Variants in ALK observed in about 807,000 individuals in gnomAD.
ALK encodes the protein ALK receptor tyrosine kinase, also known as ALK tyrosine kinase receptor.
ALK carries 74 observed loss-of-function variants against 163.1 expected under a neutral mutation model. The observed-to-expected ratio is 0.45, with a 90% CI of 0.38 to 0.55. The LOEUF is 0.55. ALK is among the 20% of genes least tolerant of loss of function. The pLI is 0.00. For synonymous variants in ALK, 960 were observed against 843.2 expected (o/e 1.14, Z -2.40); for missense variants, 2,063 against 2,105.3 (o/e 0.98, Z 0.39).
chr2:29,868,233 G>A (rs1241944950), intron 1 of ALK, among the ~76,000 whole-genome samples: 1 of 152,214 alleles, frequency 6.6e-6, no homozygotes, highest in Admixed American at 6.5e-5. Context: ...AGGTGGCCAA[G>A]AGAAGGAGTG....
At chr2:29,220,965 G>T in intron 22 of ALK, 130 bp from the exon 23 acceptor site, 1 of 1,310,322 alleles carries the variant, frequency 7.6e-7, no homozygotes, top group Non-Finnish European at 1.1e-6. Context: ...GTAAACATGG[G>T]CAGCAGGGGT....
intron 4 of ALK, among the ~76,000 whole-genome samples, chr2:29,399,548 T>G (rs1669392746): frequency 6.6e-6 from 1 of 152,242 alleles, no homozygotes; most frequent in Non-Finnish European, 1.5e-5. Flanking sequence ...AGCTAGTGTG[T>G]GCCTGAGCTT....
intron 9 of ALK, among the ~76,000 whole-genome samples, chr2:29,275,774 G>C (rs1002185271): frequency 6.6e-6 from 1 of 152,166 alleles, no homozygotes; most frequent in African/African-American, 2.4e-5. Flanking sequence ...AGGACTCCCT[G>C]ATAATCTGAG....
intron 1 of ALK, among the ~76,000 whole-genome samples, chr2:29,863,869 A>C (rs1666358228): frequency 6.6e-6 from 1 of 152,142 alleles, no homozygotes; most frequent in South Asian, 2.1e-4. Context: ...ACTCTTTCAT[A>C]AGTCAGACCT....
chr2:29,805,173 C>A (rs1422627724), intron 1 of ALK, among the ~76,000 whole-genome samples: 1 of 152,198 alleles, frequency 6.6e-6, no homozygotes, highest in African/African-American at 2.4e-5. Flanking sequence ...GCCCACCTCG[C>A]CAACCCCACA....
chr2:29,785,185 A>G (rs1393391961), intron 1 of ALK, among the ~76,000 whole-genome samples: 3 of 152,146 alleles, frequency 2.0e-5, no homozygotes, highest in African/African-American at 7.2e-5. Flanking sequence ...CACTGCTGAT[A>G]TCCTGGTGCA....
chr2:29,438,006 G>A (rs186883017), intron 4 of ALK, among the ~76,000 whole-genome samples: 1 of 151,956 alleles, frequency 6.6e-6, no homozygotes, highest in Non-Finnish European at 1.5e-5. Flanking sequence ...TCCAGATTAG[G>A]AATTTGCTGC....
At chr2:29,208,169 C>G (rs942086491) in intron 25 of ALK, 1 of 399,252 alleles carries the variant, frequency 2.5e-6, no homozygotes, top group African/African-American at 2.0e-5. Flanking sequence ...GTGCAAGGCT[C>G]AGTGACACAA....
At chr2:29,462,089 A>C (rs1373311106) in intron 4 of ALK, among the ~76,000 whole-genome samples, 1 of 152,152 alleles carries the variant, frequency 6.6e-6, no homozygotes, top group Non-Finnish European at 1.5e-5. Flanking sequence ...GAGACTCCAA[A>C]GATGTGTCTG....
Position 29,214,033 on chromosome 2 carries a change from C to T in ALK, c.3694G>A (p.Asp1232Asn). Residue 1232 changes from aspartate to asparagine, a missense_variant, in exon 24 of 29, where the codon GAC becomes AAC. Transcript: ENST00000389048. ...AMLDLLHVAR[D>N]IACGCQYLEE... Reference sequence around the variant, plus strand: ...AAATACTGACAGCCACAGGCAATGTCCCGAGCCACGTGCAGAAGGTCCAGC... The same window carrying T: ...AAATACTGACAGCCACAGGCAATGTTCCGAGCCACGTGCAGAAGGTCCAGC... 3 of 1,614,066 alleles carry T rather than the reference C, an allele frequency of 1.9e-6. No individual in the cohort carries two copies. Among genetic ancestry groups the T allele is most frequent in the Admixed American group, 1.7e-5 (1 of 60,026 alleles).
chr2:29,585,167 C>T lies in ALK; in HGVS notation c.953-53051G>A, dbSNP rs927787205. Among the ~76,000 whole-genome samples the T allele has an allele frequency of 2.6e-5, 4 of 151,932 alleles. No homozygotes were observed. The South Asian group carries it at 8.3e-4, about 32-fold the overall frequency. On this transcript the variant is annotated intron_variant, in intron 3 of 28. Transcript: ENST00000389048. ...GCTCAATTATTGATAGTTTTAAACC[C>T]TATATTCTTTTTTAGAATAAGGCAA...
At chr2:29,684,395 C>T (rs1678176160) in intron 3 of ALK, among the ~76,000 whole-genome samples, 2 of 152,330 alleles carry the variant, frequency 1.3e-5, no homozygotes, top group Admixed American at 1.3e-4. Context: ...ACTCAACTCT[C>T]AGCACAGGGC....
At chr2:29,320,952 G>GA in intron 6 of ALK, 70 bp from the exon 7 acceptor site, 1 of 1,601,856 alleles carries the variant, frequency 6.2e-7, no homozygotes, top group Non-Finnish European at 8.6e-7. Flanking sequence ...ATGCCAAGTC[G>GA]AATTAGCCAG....
rs376031811 is a variant in ALK, at chr2:29,786,011, G to A, written c.668-68314C>T. ...AATATCTTTCTTATTCACTGTTCCT[G>A]GATAAAGTGGCTTTAAAAAGTTTTC... On this transcript the variant is annotated intron_variant, in intron 1 of 28. Transcript: ENST00000389048. Among the ~76,000 whole-genome samples the A allele has an allele frequency of 9.2e-5, 14 of 151,910 alleles. No homozygotes were observed. In the East Asian group the frequency reaches 2.3e-3, roughly 25 times the overall value.
intron 4 of ALK, among the ~76,000 whole-genome samples, chr2:29,464,693 G>C (rs955606777): frequency 2.0e-5 from 3 of 152,176 alleles, no homozygotes; most frequent in African/African-American, 7.2e-5. Context: ...GGTAATGTGA[G>C]GACGTGATTT....
At chr2:29,677,770 T>C (rs2148276194) in intron 3 of ALK, among the ~76,000 whole-genome samples, 1 of 152,176 alleles carries the variant, frequency 6.6e-6, no homozygotes, top group South Asian at 2.1e-4. Flanking sequence ...TTTTCCTAGA[T>C]TTAGGATCAG....
chr2:29,253,859 GATA>G (rs1427137250), intron 11 of ALK, among the ~76,000 whole-genome samples: 4 of 140,680 alleles, frequency 2.8e-5, no homozygotes, highest in Non-Finnish European at 6.3e-5. Flanking sequence ...TAGATAGATA[GATA>G]GATAGATAGA....
At chr2:29,686,984 G>A (rs1395096055) in intron 3 of ALK, among the ~76,000 whole-genome samples, 1 of 152,122 alleles carries the variant, frequency 6.6e-6, no homozygotes, top group Admixed American at 6.6e-5. Context: ...CGAGTGACGT[G>A]TTTCTACAAA....
At chr2:29,313,129 T>C (rs1236865167) in intron 8 of ALK, among the ~76,000 whole-genome samples, 1 of 152,192 alleles carries the variant, frequency 6.6e-6, no homozygotes, top group Non-Finnish European at 1.5e-5. Flanking sequence ...TGGGCTCTGA[T>C]AGGGGCTTGC....
Sources: allele counts gnomAD v4.1 joint callset (sites outside exome capture counted in the v4.1 genomes callset), GRCh38; gene constraint gnomAD v4.1.1; transcripts MANE v1.5; gene names NCBI Gene and HGNC (gene_info 2026-07-23, HGNC 2026-07-21).